The following KCNQ1 variants were observed in gnomAD, a reference collection of about 807,000 sequenced individuals.
KCNQ1 encodes the protein potassium voltage-gated channel subfamily Q member 1.
In KCNQ1, 49 loss-of-function variants were observed where a neutral mutation model predicts 72.4. The observed-to-expected ratio is 0.68, with a 90% confidence interval of 0.54 to 0.86. KCNQ1 has a LOEUF of 0.86. KCNQ1 is among the 40% of genes least tolerant of loss of function. The pLI is 0.00. For missense variants in KCNQ1, 790 were observed against 945.1 expected (o/e 0.84, Z 2.15); for synonymous variants, 450 against 412.6 (o/e 1.09, Z -1.10).
intron 6 of KCNQ1, among the ~76,000 whole-genome samples, chr11:2,573,383 G>A (rs757046358): frequency 6.6e-6 from 1 of 152,158 alleles, no homozygotes; most frequent in Non-Finnish European, 1.5e-5. Context: ...AGCGGCGTCA[G>A]ATGCATACCT....
chr11:2,662,415 T>G, intron 11 of KCNQ1: 1 of 501,962 alleles, frequency 2.0e-6, no homozygotes, highest in Non-Finnish European at 3.5e-6. Context: ...GACGACTTTG[T>G]TTTTTAGCAT....
chr11:2,624,573 C>T lies in KCNQ1; in HGVS notation c.1393+35719C>T, dbSNP rs1428420795. 4.0e-5 allele frequency: 16 copies of T among 398,228 alleles called. No homozygotes were observed. The highest frequency in any genetic ancestry group is 5.8e-5 in the Non-Finnish European group (13 of 226,004). 24.7% of individuals were successfully genotyped at this position (398,228 alleles called of 1,614,324 possible). A position where few individuals can be genotyped will look rare whatever the true frequency, so the allele number is the denominator to read the frequency against. On this transcript the variant is annotated intron_variant, in intron 10 of 15. Transcript: ENST00000155840. This position sits in a 1 kb window ranked among gnomAD's most constrained non-coding sequence, Gnocchi z 4.9. The stretch of plus-strand genomic sequence containing the variant: ...TTGATTTCCAAATCTTTTATTGTGG[C>T]AAAATACACTTAACATAAAAATTAC...
At position 2,451,248 on chromosome 11, in the gene KCNQ1, A is replaced by G. The variant is rs994829816; in HGVS notation, c.386+5764A>G. Among the ~76,000 whole-genome samples the G allele has an allele frequency of 1.3e-5, 2 of 152,166 alleles. No individual in the cohort carries two copies. Among genetic ancestry groups the G allele is most frequent in the Non-Finnish European group, 2.9e-5 (2 of 68,030 alleles). ...TGAAACTGTTCCATCTCAGATCATC[A>G]GGTATTAGATTCTCATAAGAAGCGT... On this transcript the variant is annotated intron_variant, in intron 1 of 15. Transcript: ENST00000155840. This position sits in a 1 kb window ranked among gnomAD's most constrained non-coding sequence, Gnocchi z 6.4.
Position 2,461,799 on chromosome 11 carries a change from C to T in KCNQ1, c.386+16315C>T, listed in dbSNP as rs537243735. ...CTGAATTGTGGTCAGTTATGGGTGG[C>T]GGGTAGATGGGTGGACAGCTGGATA... On this transcript the variant is annotated intron_variant, in intron 1 of 15. Coordinates refer to ENST00000155840, the MANE Select transcript of KCNQ1 (RefSeq NM_000218.3). 2.0e-5 allele frequency: 23 copies of T among 1,125,116 alleles called. No individual in the cohort carries two copies. The East Asian group carries it at 2.4e-4, about 12-fold the overall frequency. 69.7% of individuals were successfully genotyped at this position (1,125,116 alleles called of 1,614,324 possible). A position where few individuals can be genotyped will look rare whatever the true frequency, so the allele number is the denominator to read the frequency against.
At chr11:2,780,422 C>T (rs1846802364) in intron 15 of KCNQ1, among the ~76,000 whole-genome samples, 2 of 152,356 alleles carry the variant, frequency 1.3e-5, no homozygotes, top group Admixed American at 1.3e-4. Flanking sequence ...CCCTCGGAGG[C>T]CCAGCAGGCG....
chr11:2,649,111 G>T, intron 10 of KCNQ1: 1 of 395,460 alleles, frequency 2.5e-6, no homozygotes, highest in Non-Finnish European at 4.4e-6. Context: ...CTTTACAGGT[G>T]AAGTCAGTTT....
At chr11:2,793,227 A>T (rs1847065730) in intron 15 of KCNQ1, among the ~76,000 whole-genome samples, 1 of 152,238 alleles carries the variant, frequency 6.6e-6, no homozygotes, top group Non-Finnish European at 1.5e-5. Context: ...GCTCTGTGAT[A>T]GCCCCTCTTA....
rs1342845005 is a variant in KCNQ1, at chr11:2,669,340, C to T, written c.1514+7259C>T. 2.5e-6 allele frequency: 1 copy of T among 398,520 alleles called. No homozygotes were observed. Among genetic ancestry groups the T allele is most frequent in the Non-Finnish European group, 4.4e-6 (1 of 226,086 alleles). The allele number at this position is 398,520 out of a possible 1,614,324, so 24.7% of individuals were successfully genotyped here. ...GAAAGCCTCCTCTAGGCGCAGCAGC[C>T]TCTAGATGGGCATGGGAGAATGGGT... On this transcript the variant is annotated intron_variant, in intron 11 of 15. Transcript: ENST00000155840. The surrounding 1 kb of genome is among the most constrained non-coding windows in gnomAD (Gnocchi z 5.6).
chr11:2,532,579 C>T (rs532563717), intron 2 of KCNQ1, among the ~76,000 whole-genome samples: 8 of 152,190 alleles, frequency 5.3e-5, no homozygotes, highest in East Asian at 1.9e-4. Context: ...ACATCAGGGC[C>T]GAGACTGAGG....
chr11:2,834,685 G>C (rs1193662360), intron 15 of KCNQ1, among the ~76,000 whole-genome samples: 1 of 152,200 alleles, frequency 6.6e-6, no homozygotes, highest in East Asian at 1.9e-4. Context: ...CCAGGTGAAG[G>C]AACAAGCTTG....
chr11:2,627,003 T>C lies in KCNQ1; in HGVS notation c.1394-34958T>C, dbSNP rs1053045042. ...TTGGGATTACCTTGGATTTGTAGAT[T>C]GTTTTGTGTGGTACTGACACCTTAA... On this transcript the variant is annotated intron_variant, in intron 10 of 15. Transcript: ENST00000155840. This position sits in a 1 kb window ranked among gnomAD's most constrained non-coding sequence, Gnocchi z 4.9. 21 of 398,510 alleles carry C rather than the reference T, an allele frequency of 5.3e-5. No homozygotes were observed. The highest frequency in any genetic ancestry group is 3.9e-4 in the African/African-American group (19 of 48,646). The allele number at this position is 398,510 out of a possible 1,614,324, so 24.7% of individuals were successfully genotyped here.
chr11:2,678,741 G>A lies in KCNQ1; in HGVS notation c.1514+16660G>A, dbSNP rs2133877598. On this transcript the variant is annotated intron_variant, in intron 11 of 15. Coordinates refer to ENST00000155840, the MANE Select transcript of KCNQ1 (RefSeq NM_000218.3). The surrounding 1 kb of genome is among the most constrained non-coding windows in gnomAD (Gnocchi z 4.9). ...ACAGGATTAGCTCTTGAGTTAGACA[G>A]GAAGCTGGGGTGTTTGGGACTGAGG... 1 of 398,580 alleles carries A rather than the reference G, an allele frequency of 2.5e-6. No individual in the cohort carries two copies. Among genetic ancestry groups the A allele is most frequent in the South Asian group, 1.3e-4 (1 of 7,852 alleles). The allele number at this position is 398,580 out of a possible 1,614,324, so 24.7% of individuals were successfully genotyped here.
Position 2,565,042 on chromosome 11 carries a change from G to A in KCNQ1, c.478-5586G>A, listed in dbSNP as rs1207703671. Among the ~76,000 whole-genome samples, 1 of 152,206 alleles carries A rather than the reference G, an allele frequency of 6.6e-6. No homozygotes were observed. Among genetic ancestry groups the A allele is most frequent in the Non-Finnish European group, 1.5e-5 (1 of 68,042 alleles). ...GGCTGTTGTGAATGTTGCTGCTGTG[G>A]ACATGGGTGTGTATGGATCTCCTTT... On this transcript the variant is annotated intron_variant, in intron 2 of 15. Coordinates refer to ENST00000155840, the MANE Select transcript of KCNQ1 (RefSeq NM_000218.3). The surrounding 1 kb of genome is among the most constrained non-coding windows in gnomAD (Gnocchi z 5.6).
intron 11 of KCNQ1, among the ~76,000 whole-genome samples, chr11:2,731,910 G>A (rs1202368358): frequency 1.3e-5 from 2 of 152,242 alleles, no homozygotes; most frequent in East Asian, 3.9e-4. Context: ...CCCTTTGGAT[G>A]AAGCCATCTC....
chr11:2,676,851 G>T lies in KCNQ1; in HGVS notation c.1514+14770G>T, dbSNP rs1237477348. The T allele has an allele frequency of 2.5e-6, 1 of 398,512 alleles. No individual in the cohort carries two copies. The highest frequency in any genetic ancestry group is 4.4e-6 in the Non-Finnish European group (1 of 226,082). The allele number at this position is 398,512 out of a possible 1,614,324, so 24.7% of individuals were successfully genotyped here. A position where few individuals can be genotyped will look rare whatever the true frequency, so the allele number is the denominator to read the frequency against. ...GGTCATGTTGTAATGACACCTGTCA[G>T]CTTTGACTGGGGAGCCCTTTCATTT... On this transcript the variant is annotated intron_variant, in intron 11 of 15. Transcript: ENST00000155840. The surrounding 1 kb of genome is among the most constrained non-coding windows in gnomAD (Gnocchi z 4.2).
At chr11:2,719,674 G>A (rs964795637) in intron 11 of KCNQ1, among the ~76,000 whole-genome samples, 1 of 152,220 alleles carries the variant, frequency 6.6e-6, no homozygotes, top group Admixed American at 6.5e-5. Flanking sequence ...CAGTAGCAAA[G>A]GAAACCAGGG....
chr11:2,708,035 G>A (rs948172406), intron 11 of KCNQ1, among the ~76,000 whole-genome samples: 3 of 152,240 alleles, frequency 2.0e-5, no homozygotes, highest in Non-Finnish European at 4.4e-5. Flanking sequence ...AAAGCACCAG[G>A]CCCCTCAGGG....
intron 1 of KCNQ1, among the ~76,000 whole-genome samples, chr11:2,459,543 G>T (rs1271622975): frequency 1.3e-5 from 2 of 152,150 alleles, no homozygotes; most frequent in Admixed American, 6.5e-5. Flanking sequence ...CCTCTGTGGG[G>T]GCAGGCTGTG....
At chr11:2,666,790 C>T in intron 11 of KCNQ1, 1 of 398,618 alleles carries the variant, frequency 2.5e-6, no homozygotes, top group East Asian at 3.6e-5. Context: ...ATATTTCTCT[C>T]CCTGTAAACT....
Sources: gnomAD v4.1 joint callset for allele counts (sites outside exome capture counted in the v4.1 genomes callset) on GRCh38, gnomAD v4.1.1 for gene constraint, Gnocchi (gnomAD v3.1) non-coding constraint, MANE v1.5 for transcripts, NCBI Gene and HGNC (gene_info 2026-07-23, HGNC 2026-07-21) for gene names.